The following ZNF107 variants were observed in gnomAD, a reference collection of about 807,000 sequenced individuals.
ZNF107 encodes the protein zinc finger protein 107.
Under a neutral mutation model 12.3 loss-of-function variants are expected in ZNF107, and 19 were observed. The ratio of observed to expected loss-of-function variants is 1.55; its 90% confidence interval spans 1.08 to 2.27. The LOEUF (loss-of-function observed/expected upper bound fraction) is 2.27. ZNF107 is among the 30% of genes most tolerant of loss of function. ZNF107 has a pLI of 0.00. For synonymous variants in ZNF107, 317 were observed against 330.5 expected (o/e 0.96, Z 0.44); for missense variants, 958 against 979.9 (o/e 0.98, Z 0.30).
intron 1 of ZNF107, among the ~76,000 whole-genome samples, chr7:64,681,245 C>T (rs33998708): frequency 0.018 from 2,714 of 152,034 alleles, 26 homozygotes; most frequent in Non-Finnish European, 0.03. Context: ...CCTTTTTGAT[C>T]GATATGGGGG....
intron 1 of ZNF107, among the ~76,000 whole-genome samples, chr7:64,674,492 T>C (rs1789348423): frequency 6.6e-6 from 1 of 152,204 alleles, no homozygotes; most frequent in Non-Finnish European, 1.5e-5. Context: ...TATTTTTCAG[T>C]TTAAAGAGCT....
intron 3 of ZNF107, among the ~76,000 whole-genome samples, chr7:64,693,164 A>ATT (rs1790173184): frequency 1.7e-5 from 2 of 116,418 alleles, no homozygotes; most frequent in South Asian, 3.2e-4. Context: ...ACACTCAGCT[A>ATT]ATTTTTTTTT....
At chr7:64,671,534 C>T (rs114366841) in intron 1 of ZNF107, among the ~76,000 whole-genome samples, 2,763 of 152,280 alleles carry the variant, frequency 0.018, 77 homozygotes, top group African/African-American at 0.063. Flanking sequence ...CCTGCATGGA[C>T]GCAAATAAAT....
chr7:64,673,451 ATTTG>A lies in ZNF107; in HGVS notation c.3+7174_3+7177del, dbSNP rs747134550. ...AAGGTTGTTTGTGTTTTTCTTACAA[ATTTG>A]TTTGTTTCTTATGGATGCTGGATAT... On this transcript the variant is annotated intron_variant, in intron 1 of 3. Coordinates refer to ENST00000620827, the MANE Select transcript of ZNF107 (RefSeq NM_001282359.2). Among the ~76,000 whole-genome samples the A allele has an allele frequency of 7.2e-5, 11 of 152,148 alleles. No individual in the cohort carries two copies. In the East Asian group the frequency reaches 7.7e-4, roughly 11 times the overall value.
intron 1 of ZNF107, among the ~76,000 whole-genome samples, chr7:64,676,898 C>A (rs1196173166): frequency 6.6e-6 from 1 of 152,034 alleles, no homozygotes. Flanking sequence ...CATTTTTCTT[C>A]TGCCCTATTT....
intron 1 of ZNF107, among the ~76,000 whole-genome samples, chr7:64,666,652 C>G (rs1306224263): frequency 6.6e-6 from 1 of 152,136 alleles, no homozygotes; most frequent in Admixed American, 6.5e-5. Context: ...ACTCGGGATG[C>G]GGGGTTCATG....
At chr7:64,697,095 G>A (rs371480597) in intron 3 of ZNF107, among the ~76,000 whole-genome samples, 1,692 of 151,468 alleles carry the variant, frequency 0.011, 27 homozygotes, top group Middle Eastern at 0.051. Context: ...GCGATAGTTT[G>A]CTGAGAATGA....
chr7:64,692,711 T>C (rs1790155783), intron 3 of ZNF107, among the ~76,000 whole-genome samples: 1 of 152,082 alleles, frequency 6.6e-6, no homozygotes, highest in African/African-American at 2.4e-5. Context: ...TAAATTTTTT[T>C]TACCTCCTTG....
At chr7:64,694,616 C>T (rs979638667) in intron 3 of ZNF107, among the ~76,000 whole-genome samples, 2 of 151,592 alleles carry the variant, frequency 1.3e-5, no homozygotes, top group Non-Finnish European at 2.9e-5. Context: ...GTTCTTCAAC[C>T]TGAATATACC....
chr7:64,699,927 C>T (rs1790413832), intron 3 of ZNF107, among the ~76,000 whole-genome samples: 1 of 151,728 alleles, frequency 6.6e-6, no homozygotes, highest in African/African-American at 2.4e-5. Context: ...ATTAGCCGGG[C>T]TTGGTAGCGG....
chr7:64,669,351 A>G (rs1018727432), intron 1 of ZNF107, among the ~76,000 whole-genome samples: 6 of 152,120 alleles, frequency 3.9e-5, no homozygotes, highest in Non-Finnish European at 8.8e-5. Context: ...GGTACCTCCT[A>G]GAAGTATGAC....
intron 1 of ZNF107, among the ~76,000 whole-genome samples, chr7:64,672,396 A>G (rs59165386): frequency 0.047 from 7,135 of 152,090 alleles, 454 homozygotes; most frequent in African/African-American, 0.14. Flanking sequence ...TCATCTTGTC[A>G]CACAGGCTGA....
chr7:64,684,513 A>C, intron 1 of ZNF107: 1 of 914,192 alleles, frequency 1.1e-6, no homozygotes, highest in Non-Finnish European at 1.3e-6. Flanking sequence ...AGCTGTGTCC[A>C]TCTGACACTC....
At chr7:64,683,785 G>A (rs1451743022) in intron 1 of ZNF107, among the ~76,000 whole-genome samples, 1 of 152,134 alleles carries the variant, frequency 6.6e-6, no homozygotes, top group Non-Finnish European at 1.5e-5. Flanking sequence ...AGGCCTGAGG[G>A]TTTACTACTA....
chr7:64,706,516 C>A lies in ZNF107; in HGVS notation c.419C>A (p.Thr140Asn), dbSNP rs1287055319. ...ACAGTTAACCAATGTTTGACAGCTA[C>A]CCCAAGCAAAATATTCCAGTGTAAT... The part of the protein sequence containing the change: ...HNTVNQCLTA[T>N]PSKIFQCNKY... The change falls in exon 4 of 4, where the codon ACC becomes AAC. Residue 140 changes from threonine to asparagine, a missense_variant. Physicochemically the swap from Thr to Asn is moderately conservative, Grantham distance 65. Coordinates refer to ENST00000620827, the MANE Select transcript of ZNF107 (RefSeq NM_001282359.2). The A allele has an allele frequency of 6.2e-7, 1 of 1,610,460 alleles. No homozygotes were observed. Among genetic ancestry groups the A allele is most frequent in the Non-Finnish European group, 8.5e-7 (1 of 1,178,132 alleles).
intron 1 of ZNF107, among the ~76,000 whole-genome samples, chr7:64,671,080 A>T (rs1309814795): frequency 1.3e-5 from 2 of 151,998 alleles, no homozygotes; most frequent in Non-Finnish European, 2.9e-5. Flanking sequence ...TTGGTGCCAA[A>T]AGAAAGATAT....
chr7:64,706,105 A>AG (rs1256360679), intron 3 of ZNF107, among the ~76,000 whole-genome samples: 36 of 151,686 alleles, frequency 2.4e-4, no homozygotes, highest in Admixed American at 2.4e-3. Context: ...GTGCTCACCT[A>AG]GGGCACTGCA....
intron 3 of ZNF107, among the ~76,000 whole-genome samples, chr7:64,702,785 C>G (rs1419564828): frequency 6.6e-6 from 1 of 151,324 alleles, no homozygotes; most frequent in African/African-American, 2.4e-5. Context: ...TCGAACTCTC[C>G]CGACCTCAGG....
At chr7:64,704,619 A>G (rs1320832224) in intron 3 of ZNF107, among the ~76,000 whole-genome samples, 1 of 152,144 alleles carries the variant, frequency 6.6e-6, no homozygotes, top group Non-Finnish European at 1.5e-5. Flanking sequence ...AACTCCTTTC[A>G]GTATCTTTGA....
Sources: gnomAD v4.1 joint callset for allele counts (sites outside exome capture counted in the v4.1 genomes callset) on GRCh38, gnomAD v4.1.1 for gene constraint, MANE v1.5 for transcripts, NCBI Gene and HGNC (gene_info 2026-07-23, HGNC 2026-07-21) for gene names.